Variants in IPMK observed in about 807,000 individuals in gnomAD.
IPMK encodes the protein inositol polyphosphate multikinase.
Under a neutral mutation model 45.8 loss-of-function variants are expected in IPMK, and 17 were observed. That is an observed-to-expected ratio of 0.37 (90% CI 0.25 to 0.56). IPMK has a LOEUF of 0.56. Among genes scored for constraint, IPMK ranks in the 20% least tolerant of loss-of-function variants. The pLI is 0.79. For missense variants in IPMK, 399 were observed against 498.0 expected (o/e 0.80, Z 1.89); for synonymous variants, 180 against 184.3 (o/e 0.98, Z 0.19).
chr10:58,227,979 G>A (rs1249608331), intron 2 of IPMK, among the ~76,000 whole-genome samples: 1 of 152,124 alleles, frequency 6.6e-6, no homozygotes, highest in East Asian at 1.9e-4. Flanking sequence ...TTTATGTCAA[G>A]TAGTTGTATG....
chr10:58,194,767 G>C lies in IPMK; in HGVS notation c.*1309C>G, dbSNP rs1044962923. On this transcript the variant is annotated 3_prime_UTR_variant, in exon 6 of 6. Coordinates refer to ENST00000373935, the MANE Select transcript of IPMK (RefSeq NM_152230.5). Reference sequence around the variant, plus strand: ...TACCTAGAAATGTTATTAGTGAATGGAAGTGCAAGTAATGGCAGCATTAAC... The same window carrying C: ...TACCTAGAAATGTTATTAGTGAATGCAAGTGCAAGTAATGGCAGCATTAAC... The C allele has an allele frequency of 1.3e-5, 2 of 151,922 alleles. No homozygotes were observed. Among genetic ancestry groups the C allele is most frequent in the Admixed American group, 1.3e-4 (2 of 15,258 alleles). The allele number at this position is 151,922 out of a possible 1,614,324, so 9.4% of individuals were successfully genotyped here.
chr10:58,250,375 A>G (rs932689557), intron 1 of IPMK, among the ~76,000 whole-genome samples: 1 of 152,028 alleles, frequency 6.6e-6, no homozygotes, highest in African/African-American at 2.4e-5. Flanking sequence ...TTTTTATTGT[A>G]AAGATATTTC....
intron 1 of IPMK, among the ~76,000 whole-genome samples, chr10:58,250,569 T>C (rs1564539431): frequency 6.6e-6 from 1 of 152,194 alleles, no homozygotes; most frequent in Non-Finnish European, 1.5e-5. Flanking sequence ...GCTCTAACAG[T>C]ATTTTGGTGG....
In IPMK at chr10:58,210,521, C is replaced by T. The variant is rs181179349; in HGVS notation, c.546+5624G>A. Among the ~76,000 whole-genome samples the T allele has an allele frequency of 1.9e-3, 282 of 152,322 alleles. 1 individual carries two copies. The highest frequency in any genetic ancestry group is 6.6e-3 in the African/African-American group (273 of 41,572). On this transcript the variant is annotated intron_variant, in intron 4 of 5. Transcript: ENST00000373935. The stretch of plus-strand genomic sequence containing the variant: ...ACAAAATTCAGCTGCAAGCTTCTTT[C>T]ACCCTGTGACTAGTCCCTAATTCCG...
intron 1 of IPMK, among the ~76,000 whole-genome samples, chr10:58,238,848 G>GTT (rs968526849): frequency 0.067 from 10,059 of 150,584 alleles, 404 homozygotes; most frequent in Non-Finnish European, 0.089. Flanking sequence ...TTTGTTTTTT[G>GTT]TTTTTTTTTA....
rs1178110681 is a variant in IPMK at position 58,267,693 on chromosome 10, C to T, written c.-82G>A. On this transcript the variant is annotated 5_prime_UTR_variant, in exon 1 of 6. Transcript: ENST00000373935. ...AGGGGGCGCCGGAGAACCCGAGGGT[C>T]GCTCAGGCTCGGGCGCGAGGAGGCC... 13 of 872,936 alleles carry T rather than the reference C, an allele frequency of 1.5e-5. No homozygotes were observed. The Admixed American group carries it at 2.8e-4, about 19-fold the overall frequency. 54.1% of individuals were successfully genotyped at this position (872,936 alleles called of 1,614,324 possible). A position where few individuals can be genotyped will look rare whatever the true frequency, so the allele number is the denominator to read the frequency against.
chr10:58,219,793 G>A (rs1170854855), intron 3 of IPMK, among the ~76,000 whole-genome samples: 2 of 152,216 alleles, frequency 1.3e-5, no homozygotes, highest in Non-Finnish European at 2.9e-5. Context: ...GGGTTGGTCT[G>A]TCTTATAAAC....
chr10:58,252,913 C>T (rs2590343), intron 1 of IPMK, among the ~76,000 whole-genome samples: 51,429 of 151,946 alleles, frequency 0.34, 10,947 homozygotes, highest in African/African-American at 0.61. Flanking sequence ...TGCCCGGCCA[C>T]ATCCATGAGG....
chr10:58,264,223 TAAG>T (rs1839115659), intron 1 of IPMK, among the ~76,000 whole-genome samples: 1 of 152,234 alleles, frequency 6.6e-6, no homozygotes, highest in Non-Finnish European at 1.5e-5. Flanking sequence ...TGCAAATAGT[TAAG>T]AAAAATTATT....
intron 1 of IPMK, among the ~76,000 whole-genome samples, chr10:58,260,420 T>A (rs1460683906): frequency 6.6e-6 from 1 of 152,208 alleles, no homozygotes; most frequent in Admixed American, 6.5e-5. Flanking sequence ...ATTTTGTAAT[T>A]TTACTATGGT....
At chr10:58,248,759 T>C (rs1564538943) in intron 1 of IPMK, among the ~76,000 whole-genome samples, 1 of 152,210 alleles carries the variant, frequency 6.6e-6, no homozygotes, top group Non-Finnish European at 1.5e-5. Context: ...GATCAATGTT[T>C]TTAGCTCCCT....
intron 3 of IPMK, among the ~76,000 whole-genome samples, chr10:58,223,928 C>T (rs1838375080): frequency 6.6e-6 from 1 of 152,008 alleles, no homozygotes; most frequent in South Asian, 2.1e-4. Context: ...TTCCTGAGGC[C>T]TCATCAGCCA....
At chr10:58,246,142 G>C (rs982136765) in intron 1 of IPMK, among the ~76,000 whole-genome samples, 46 of 132,570 alleles carry the variant, frequency 3.5e-4, no homozygotes, top group Admixed American at 1.4e-4. Context: ...CACTGCTCAA[G>C]GAAATAAAAG....
intron 1 of IPMK, among the ~76,000 whole-genome samples, chr10:58,259,460 T>TAATGAATG (rs138646652): frequency 8.0e-5 from 12 of 149,730 alleles, no homozygotes; most frequent in Non-Finnish European, 1.6e-4. Context: ...TCCACCTTAA[T>TAATGAATG]AATGAATGAA....
intron 1 of IPMK, among the ~76,000 whole-genome samples, chr10:58,248,858 C>A (rs974168268): frequency 6.6e-5 from 10 of 152,186 alleles, no homozygotes; most frequent in African/African-American, 2.4e-4. Flanking sequence ...CATGTTGCTG[C>A]AAATGACAGG....
chr10:58,255,689 T>G (rs891312733), intron 1 of IPMK, among the ~76,000 whole-genome samples: 1 of 152,164 alleles, frequency 6.6e-6, no homozygotes, highest in African/African-American at 2.4e-5. Flanking sequence ...GAATTTTCTA[T>G]GATAAACATA....
At chr10:58,227,175 C>A (rs1466454584) in intron 2 of IPMK, 36 bp from the exon 3 acceptor site, 1 of 1,440,802 alleles carries the variant, frequency 6.9e-7, no homozygotes, top group Non-Finnish European at 9.7e-7. Context: ...TAGATTCTTA[C>A]AATGCTTTGT....
intron 2 of IPMK, among the ~76,000 whole-genome samples, chr10:58,233,192 C>CA (rs1159384407): frequency 6.6e-6 from 1 of 151,912 alleles, no homozygotes; most frequent in African/African-American, 2.4e-5. Context: ...GCCTACCAAC[C>CA]AAAAAAAGTC....
intron 2 of IPMK, among the ~76,000 whole-genome samples, chr10:58,237,172 A>G (rs1297717464): frequency 2.0e-5 from 3 of 152,220 alleles, no homozygotes; most frequent in Non-Finnish European, 1.5e-5. Flanking sequence ...CAACTGCATC[A>G]ATGAGATCCC....
Sources: gnomAD v4.1 joint callset for allele counts (sites outside exome capture counted in the v4.1 genomes callset) on GRCh38, gnomAD v4.1.1 for gene constraint, MANE v1.5 for transcripts, NCBI Gene and HGNC (gene_info 2026-07-23, HGNC 2026-07-21) for gene names.